The following SNX29 variants were observed in gnomAD, a reference collection of about 807,000 sequenced individuals.
SNX29 encodes the protein sorting nexin 29, also known as sorting nexin-29.
Under a neutral mutation model 102.1 loss-of-function variants are expected in SNX29, and 78 were observed. That is an observed-to-expected ratio of 0.76 (90% CI 0.64 to 0.92). SNX29 has a LOEUF of 0.92. SNX29 is among the 40% of genes least tolerant of loss of function. The pLI is 0.00. For missense variants in SNX29, 1,280 were observed against 1,061.7 expected, an observed-to-expected ratio of 1.21 and a Z score of -2.86; for synonymous variants, 580 against 414.5, an observed-to-expected ratio of 1.40 and a Z score of -4.85.
chr16:12,347,166 C>T lies in SNX29; in HGVS notation c.1783-8997C>T, dbSNP rs535667864. ...AACCTTTGAAATGTGAAGTTATCAC[C>T]AGGGTTACTTAAAAGCCTCTGCTTA... On this transcript the variant is annotated intron_variant, in intron 15 of 20. Coordinates refer to ENST00000566228, the MANE Select transcript of SNX29 (RefSeq NM_032167.5). Among the ~76,000 whole-genome samples the T allele has an allele frequency of 1.1e-3, 168 of 151,560 alleles. 1 individual carries two copies. The highest frequency in any genetic ancestry group is 3.9e-3 in the African/African-American group (161 of 41,254).
At chr16:12,041,354 C>G (rs554952328) in intron 4 of SNX29, among the ~76,000 whole-genome samples, 1 of 152,150 alleles carries the variant, frequency 6.6e-6, no homozygotes, top group African/African-American at 2.4e-5. Context: ...TCAGATGATC[C>G]GCTCGCATCG....
At chr16:12,260,504 A>G (rs1421644178) in intron 14 of SNX29, among the ~76,000 whole-genome samples, 1 of 152,132 alleles carries the variant, frequency 6.6e-6, no homozygotes, top group Admixed American at 6.5e-5. Context: ...TCTCTCCACA[A>G]AGCCCAGCCC....
At chr16:12,420,535 A>G (rs572419649) in intron 18 of SNX29, among the ~76,000 whole-genome samples, 4 of 152,120 alleles carry the variant, frequency 2.6e-5, no homozygotes, top group Non-Finnish European at 4.4e-5. Context: ...GATTCTCAAG[A>G]TGGAGTATGG....
chr16:12,526,720 A>T, intron 20 of SNX29: 1 of 477,090 alleles, frequency 2.1e-6, no homozygotes, highest in Non-Finnish European at 4.0e-6. Flanking sequence ...TGTTCCTAAG[A>T]TACTCCTGAT....
intron 20 of SNX29, among the ~76,000 whole-genome samples, chr16:12,562,874 C>T (rs1049622791): frequency 3.3e-5 from 5 of 152,154 alleles, no homozygotes; most frequent in African/African-American, 9.7e-5. Context: ...TGTGCTTTGT[C>T]ATTTCTAGTT....
intron 20 of SNX29, chr16:12,546,186 ATG>A: frequency 6.6e-6 from 1 of 152,340 alleles, no homozygotes; most frequent in East Asian, 1.9e-4. Context: ...GGTGCAGGGA[ATG>A]TAAAGTAACG....
At chr16:12,511,367 T>C (rs1050313461) in intron 19 of SNX29, among the ~76,000 whole-genome samples, 1 of 152,130 alleles carries the variant, frequency 6.6e-6, no homozygotes, top group Non-Finnish European at 1.5e-5. Flanking sequence ...AGTTTATGCT[T>C]TGCCAAATGG....
chr16:12,223,225 C>T (rs1596549849), intron 14 of SNX29, among the ~76,000 whole-genome samples: 1 of 152,064 alleles, frequency 6.6e-6, no homozygotes, highest in South Asian at 2.1e-4. Flanking sequence ...TGTGTAAAAT[C>T]GAGATTATAC....
chr16:12,493,333 G>C (rs542382710), intron 19 of SNX29, among the ~76,000 whole-genome samples: 12 of 152,252 alleles, frequency 7.9e-5, no homozygotes, highest in Middle Eastern at 3.4e-3. Context: ...TTGGCTCTCT[G>C]TTTGTCTGTT....
chr16:12,463,479 A>G (rs2086903942), intron 18 of SNX29, among the ~76,000 whole-genome samples: 2 of 152,172 alleles, frequency 1.3e-5, no homozygotes, highest in South Asian at 2.1e-4. Flanking sequence ...GCTTGTGCAG[A>G]GAAACTCTGC....
chr16:12,249,998 T>A (rs1432370183), intron 14 of SNX29, among the ~76,000 whole-genome samples: 1 of 152,034 alleles, frequency 6.6e-6, no homozygotes, highest in Admixed American at 6.6e-5. Flanking sequence ...CAAGGAGCAA[T>A]CTCAATGAAG....
At chr16:12,500,696 A>C (rs529073482) in intron 19 of SNX29, among the ~76,000 whole-genome samples, 1 of 152,354 alleles carries the variant, frequency 6.6e-6, no homozygotes, top group East Asian at 1.9e-4. Context: ...CATCAGCCTC[A>C]TCTGAGAGCT....
In SNX29 at chr16:12,027,184, A is replaced by G. The variant is rs1596631297; in HGVS notation, c.123-136A>G. 1.4e-5 allele frequency: 14 copies of G among 1,011,022 alleles called. No homozygotes were observed. The East Asian group carries it at 3.1e-4, about 23-fold the overall frequency. The allele number at this position is 1,011,022 out of a possible 1,614,324, so 62.6% of individuals were successfully genotyped here. ...GGCGCAGGTCAGTTACCAAGCCTGC[A>G]CATCCAGGTGTCTCCTGTCTGCCTT... On this transcript the variant is annotated intron_variant, in intron 3 of 20. Transcript: ENST00000566228.
In SNX29 at chr16:12,356,210, C is replaced by A. The variant is rs778636968; in HGVS notation, c.1830C>A (p.His610Gln). 1.9e-6 allele frequency: 3 copies of A among 1,613,384 alleles called. No homozygotes were observed. Among genetic ancestry groups the A allele is most frequent in the Non-Finnish European group, 2.5e-6 (3 of 1,179,770 alleles). ...GELIEFNERL[H>Q]RALVAKEALV... The stretch of plus-strand genomic sequence containing the variant: ...TGATTGAGTTCAACGAGCGCCTGCA[C>A]AGGGCCCTGGTAGCCAAGGAAGCCC... The change falls in exon 16 of 21, where the codon CAC becomes CAA. Residue 610 changes from histidine to glutamine, a missense_variant. By Grantham distance (24) the His-to-Gln change is conservative. Coordinates refer to ENST00000566228, the MANE Select transcript of SNX29 (RefSeq NM_032167.5).
intron 10 of SNX29, among the ~76,000 whole-genome samples, chr16:12,078,592 T>C (rs988223470): frequency 6.6e-6 from 1 of 152,226 alleles, no homozygotes; most frequent in African/African-American, 2.4e-5. Flanking sequence ...CTGCACGTGT[T>C]CATGAATGAT....
At chr16:12,402,399 C>T (rs2083981252) in intron 17 of SNX29, among the ~76,000 whole-genome samples, 1 of 152,214 alleles carries the variant, frequency 6.6e-6, no homozygotes, top group African/African-American at 2.4e-5. Flanking sequence ...ATGAGCTGCT[C>T]TTGAGAGAGA....
intron 20 of SNX29, among the ~76,000 whole-genome samples, chr16:12,525,796 A>G (rs1037789250): frequency 2.7e-5 from 4 of 150,494 alleles, no homozygotes; most frequent in Non-Finnish European, 5.9e-5. Flanking sequence ...CTTGGCTCGA[A>G]ATGTCATGCA....
At chr16:12,325,527 A>AAGTTTAGAC (rs2081088121) in intron 15 of SNX29, among the ~76,000 whole-genome samples, 1 of 152,184 alleles carries the variant, frequency 6.6e-6, no homozygotes, top group Non-Finnish European at 1.5e-5. Flanking sequence ...CTCATTGCTG[A>AAGTTTAGAC]AGTTTAGACT....
intron 18 of SNX29, among the ~76,000 whole-genome samples, chr16:12,434,679 G>T (rs1325475777): frequency 3.3e-5 from 5 of 152,102 alleles, no homozygotes; most frequent in Non-Finnish European, 7.4e-5. Context: ...CAACGGCTGG[G>T]GGCTTTCTTA....
Sources: gnomAD v4.1 joint callset for allele counts (sites outside exome capture counted in the v4.1 genomes callset) on GRCh38, gnomAD v4.1.1 for gene constraint, MANE v1.5 for transcripts, NCBI Gene and HGNC (gene_info 2026-07-23, HGNC 2026-07-21) for gene names.